The following PIBF1 variants were observed in gnomAD, a reference collection of about 807,000 sequenced individuals.
PIBF1 encodes the protein progesterone immunomodulatory binding factor 1.
In PIBF1, 90 loss-of-function variants were observed where a neutral mutation model predicts 112.5. The ratio of observed to expected loss-of-function variants is 0.80; its 90% CI spans 0.67 to 0.95. The LOEUF is 0.95. Ranked by LOEUF, PIBF1 falls within the 40% of genes least tolerant of loss-of-function variation. The probability of loss-of-function intolerance (pLI) is 0.00; values close to 1 mark genes in which losing one functional copy is unlikely to be tolerated. For synonymous variants in PIBF1, 301 were observed against 288.6 expected, an observed-to-expected ratio of 1.04 and a Z score of -0.44; for missense variants, 915 against 852.3, an observed-to-expected ratio of 1.07 and a Z score of -0.92.
At chr13:72,822,627 A>G (rs1223790337) in intron 6 of PIBF1, among the ~76,000 whole-genome samples, 1 of 152,218 alleles carries the variant, frequency 6.6e-6, no homozygotes, top group African/African-American at 2.4e-5. Context: ...TGTAATATAA[A>G]TGGAATGACC....
At chr13:72,995,531 G>GA (rs35427297) in intron 16 of PIBF1, among the ~76,000 whole-genome samples, 3,893 of 152,166 alleles carry the variant, frequency 0.026, 66 homozygotes, top group Non-Finnish European at 0.039. Context: ...ATCAGTGGGG[G>GA]AAAAAATGGT....
chr13:72,972,176 G>C (rs2042912361), intron 15 of PIBF1, among the ~76,000 whole-genome samples: 1 of 151,784 alleles, frequency 6.6e-6, no homozygotes, highest in African/African-American at 2.4e-5. Flanking sequence ...TGGGACTAAA[G>C]GTGCATGTCT....
intron 13 of PIBF1, among the ~76,000 whole-genome samples, chr13:72,926,364 G>T: frequency 6.6e-6 from 1 of 152,088 alleles, no homozygotes; most frequent in Middle Eastern, 3.2e-3. Flanking sequence ...AACCTACACA[G>T]CAAATGAAAA....
At chr13:72,975,005 T>G (rs1336783294) in intron 16 of PIBF1, among the ~76,000 whole-genome samples, 1 of 151,948 alleles carries the variant, frequency 6.6e-6, no homozygotes, top group Non-Finnish European at 1.5e-5. Flanking sequence ...TATCACTGCC[T>G]CATCTTAGCC....
intron 17 of PIBF1, among the ~76,000 whole-genome samples, chr13:73,007,670 G>A (rs553794613): frequency 1.5e-4 from 23 of 152,154 alleles, no homozygotes; most frequent in Admixed American, 5.9e-4. Flanking sequence ...TTAGCCGGGC[G>A]TGGTGGCGCA....
chr13:72,838,750 T>G (rs1306663854), intron 9 of PIBF1, among the ~76,000 whole-genome samples: 5 of 152,194 alleles, frequency 3.3e-5, no homozygotes, highest in Non-Finnish European at 7.3e-5. Flanking sequence ...TAAGTTAGGT[T>G]GCAGTTTGTC....
chr13:72,893,283 G>T (rs73218766), intron 10 of PIBF1, among the ~76,000 whole-genome samples: 1 of 152,004 alleles, frequency 6.6e-6, no homozygotes, highest in Non-Finnish European at 1.5e-5. Flanking sequence ...TTCACAGTTT[G>T]TACATTTTTT....
intron 16 of PIBF1, among the ~76,000 whole-genome samples, chr13:72,994,005 A>T (rs1333968160): frequency 6.6e-6 from 1 of 152,036 alleles, no homozygotes; most frequent in African/African-American, 2.4e-5. Flanking sequence ...CCAGCGGCTC[A>T]GGAGGCTAAA....
chr13:72,843,826 A>C (rs2037719144), intron 9 of PIBF1, among the ~76,000 whole-genome samples: 1 of 152,158 alleles, frequency 6.6e-6, no homozygotes, highest in Non-Finnish European at 1.5e-5. Context: ...ATTTCACTCC[A>C]CTTAGCCCTC....
At chr13:72,794,263 G>A (rs928715178) in intron 3 of PIBF1, among the ~76,000 whole-genome samples, 12 of 152,198 alleles carry the variant, frequency 7.9e-5, no homozygotes, top group Middle Eastern at 3.4e-3. Flanking sequence ...AAATATGATC[G>A]CCATGGGTTT....
intron 5 of PIBF1, among the ~76,000 whole-genome samples, chr13:72,809,589 G>GT (rs34696804): frequency 0.24 from 24,660 of 100,854 alleles, 3,071 homozygotes; most frequent in Non-Finnish European, 0.32. Context: ...TTTTTTTTTG[G>GT]TTTTTTTTTT....
chr13:72,907,005 A>G (rs1489782220), intron 11 of PIBF1, among the ~76,000 whole-genome samples: 3 of 152,100 alleles, frequency 2.0e-5, no homozygotes, highest in Non-Finnish European at 4.4e-5. Flanking sequence ...TTTTTTTATA[A>G]TGAATTAACA....
intron 14 of PIBF1, among the ~76,000 whole-genome samples, chr13:72,936,381 C>T (rs1182616837): frequency 6.6e-6 from 1 of 152,094 alleles, no homozygotes; most frequent in East Asian, 1.9e-4. Flanking sequence ...CAGTTCATCA[C>T]TTTGTTCTTT....
At chr13:72,883,907 C>T (rs977819148) in intron 10 of PIBF1, among the ~76,000 whole-genome samples, 1 of 152,120 alleles carries the variant, frequency 6.6e-6, no homozygotes, top group African/African-American at 2.4e-5. Flanking sequence ...TTGCAAAACC[C>T]CGTCTCTATT....
intron 13 of PIBF1, among the ~76,000 whole-genome samples, chr13:72,928,046 C>CATAT (rs2041585926): frequency 9.1e-6 from 1 of 109,942 alleles, no homozygotes; most frequent in Admixed American, 9.7e-5. Context: ...TATATATATA[C>CATAT]ATATATATAT....
At chr13:72,873,521 G>A (rs1317423004) in intron 10 of PIBF1, among the ~76,000 whole-genome samples, 2 of 152,038 alleles carry the variant, frequency 1.3e-5, no homozygotes, top group African/African-American at 4.8e-5. Flanking sequence ...TCCTGCCTCA[G>A]CCTCCCAAGT....
At chr13:72,925,542 C>CTTT (rs59074858) in intron 13 of PIBF1, among the ~76,000 whole-genome samples, 10,154 of 101,934 alleles carry the variant, frequency 0.1, 682 homozygotes, top group Non-Finnish European at 0.14. Flanking sequence ...CTTTCTCTCT[C>CTTT]TTTTTTTTTT....
chr13:72,804,552 G>C (rs1263519083), intron 5 of PIBF1, among the ~76,000 whole-genome samples: 2 of 152,126 alleles, frequency 1.3e-5, no homozygotes, highest in African/African-American at 4.8e-5. Flanking sequence ...TTAGGGGAGA[G>C]GGGAGGGAGA....
chr13:72,844,659 A>G (rs2037753237), intron 9 of PIBF1, among the ~76,000 whole-genome samples: 1 of 151,414 alleles, frequency 6.6e-6, no homozygotes. Flanking sequence ...AGAATTTGCA[A>G]ACGACATTCC....
Sources: gnomAD v4.1 joint callset for allele counts (sites outside exome capture counted in the v4.1 genomes callset) on GRCh38, gnomAD v4.1.1 for gene constraint, MANE v1.5 for transcripts, NCBI Gene and HGNC (gene_info 2026-07-23, HGNC 2026-07-21) for gene names.